Variants in GABRG3 observed in about 807,000 individuals in gnomAD.
GABRG3 encodes gamma-aminobutyric acid type A receptor subunit gamma3.
Under a neutral mutation model 48.8 loss-of-function variants are expected in GABRG3, and 25 were observed. That is an observed-to-expected ratio of 0.51 (90% confidence interval 0.37 to 0.72). GABRG3 has a LOEUF of 0.72. Ranked by LOEUF, GABRG3 falls within the 30% of genes least tolerant of loss-of-function variation. The pLI is 0.00. For missense variants in GABRG3, 394 were observed against 577.9 expected (o/e 0.68, Z 3.26); for synonymous variants, 227 against 217.6 (o/e 1.04, Z -0.38).
intron 5 of GABRG3, among the ~76,000 whole-genome samples, chr15:27,346,349 A>G (rs898070279): frequency 3.9e-5 from 6 of 152,188 alleles, no homozygotes; most frequent in Non-Finnish European, 8.8e-5. Context: ...GCTTTTTCCA[A>G]AATTGACTGT....
chr15:27,190,523 T>G (rs1382450125), intron 3 of GABRG3, among the ~76,000 whole-genome samples: 3 of 152,188 alleles, frequency 2.0e-5, no homozygotes, highest in African/African-American at 7.2e-5. Flanking sequence ...TAGAGGTGTT[T>G]GTAGTATTCT....
At chr15:27,128,862 G>C (rs2140381334) in intron 3 of GABRG3, among the ~76,000 whole-genome samples, 1 of 152,098 alleles carries the variant, frequency 6.6e-6, no homozygotes, top group East Asian at 1.9e-4. Context: ...AGGTCAATTG[G>C]ATATTTTTAA....
chr15:27,308,541 T>A (rs1039555414), intron 3 of GABRG3, among the ~76,000 whole-genome samples: 123 of 148,370 alleles, frequency 8.3e-4, no homozygotes, highest in South Asian at 1.1e-3. Flanking sequence ...TATAAACATA[T>A]ATAATGTAAA....
At position 27,050,735 on chromosome 15, in the gene GABRG3, ATAT is replaced by A. The variant is rs963472779; in HGVS notation, c.270+23920_270+23922del. Among the ~76,000 whole-genome samples, 12 of 152,136 alleles carry A rather than the reference ATAT, an allele frequency of 7.9e-5. No individual in the cohort carries two copies. The South Asian group carries it at 2.1e-3, about 26-fold the overall frequency. On this transcript the variant is annotated intron_variant, in intron 3 of 9. Transcript: ENST00000615808. ...TATAAACTTTTTAAATTTAATTATAATATTATTAACTATTTCTTAAGTTATAGA... is the reference window on the plus strand; with the variant it reads ...TATAAACTTTTTAAATTTAATTATAATATTAACTATTTCTTAAGTTATAGA...
At chr15:27,052,051 T>C (rs1896464072) in intron 3 of GABRG3, among the ~76,000 whole-genome samples, 1 of 152,180 alleles carries the variant, frequency 6.6e-6, no homozygotes, top group Non-Finnish European at 1.5e-5. Context: ...AGATGAAGCT[T>C]CTCTTGCTCG....
intron 3 of GABRG3, among the ~76,000 whole-genome samples, chr15:27,113,213 T>A (rs1363349773): frequency 1.3e-5 from 2 of 152,140 alleles, no homozygotes. Context: ...ATAATGATTA[T>A]CTCTTTAAGA....
chr15:27,356,155 T>A (rs1180795289), intron 5 of GABRG3, among the ~76,000 whole-genome samples: 2 of 152,162 alleles, frequency 1.3e-5, no homozygotes, highest in Non-Finnish European at 2.9e-5. Flanking sequence ...AGTGTATTCA[T>A]CATAATTAAT....
intron 3 of GABRG3, among the ~76,000 whole-genome samples, chr15:27,323,716 G>A (rs1055633549): frequency 1.3e-5 from 2 of 152,138 alleles, no homozygotes; most frequent in African/African-American, 4.8e-5. Context: ...ACCTCACTGA[G>A]GTCTTGGCTT....
intron 6 of GABRG3, among the ~76,000 whole-genome samples, chr15:27,487,452 G>A (rs933991184): frequency 1.3e-5 from 2 of 152,178 alleles, no homozygotes; most frequent in African/African-American, 4.8e-5. Context: ...GTCTCAGCAA[G>A]ATCTCAGGCA....
At chr15:27,037,951 C>G (rs1896207284) in intron 3 of GABRG3, among the ~76,000 whole-genome samples, 1 of 152,226 alleles carries the variant, frequency 6.6e-6, no homozygotes, top group East Asian at 1.9e-4. Flanking sequence ...CACCCTTGCC[C>G]TCACCCCGTC....
chr15:27,158,969 A>G (rs928680166), intron 3 of GABRG3, among the ~76,000 whole-genome samples: 1 of 152,170 alleles, frequency 6.6e-6, no homozygotes. Flanking sequence ...AAAGTGCTGT[A>G]CTTCATCAGC....
At chr15:27,210,054 G>C (rs1460084240) in intron 3 of GABRG3, among the ~76,000 whole-genome samples, 2 of 152,112 alleles carry the variant, frequency 1.3e-5, no homozygotes, top group African/African-American at 2.4e-5. Context: ...GTCACTTTGG[G>C]GGTTAGGATT....
At chr15:27,219,332 G>A (rs1224046959) in intron 3 of GABRG3, among the ~76,000 whole-genome samples, 1 of 152,202 alleles carries the variant, frequency 6.6e-6, no homozygotes, top group Non-Finnish European at 1.5e-5. Context: ...CTCCAAGGTA[G>A]GCAGAGTCCA....
At chr15:27,091,772 C>G (rs573661263) in intron 3 of GABRG3, among the ~76,000 whole-genome samples, 2 of 152,300 alleles carry the variant, frequency 1.3e-5, no homozygotes, top group African/African-American at 4.8e-5. Context: ...TCTGCTCTTT[C>G]CAGAAATGTC....
intron 5 of GABRG3, among the ~76,000 whole-genome samples, chr15:27,427,389 C>G (rs554653611): frequency 6.6e-6 from 1 of 152,268 alleles, no homozygotes; most frequent in East Asian, 1.9e-4. Context: ...ATTAGAAAGT[C>G]TGTGTTCAGG....
In GABRG3 at chr15:27,534,692, A is replaced by G. The variant is rs1428036578; in HGVS notation, c.*1811A>G. ...ACAATGTCCTGGATGTATACCAGAC[A>G]CAGAAGAGGATGGGAGCAGAAGAGG... On this transcript the variant is annotated 3_prime_UTR_variant, in exon 10 of 10. Transcript: ENST00000615808. 1.3e-5 allele frequency: 2 copies of G among 152,246 alleles called. No homozygotes were observed. The highest frequency in any genetic ancestry group is 1.3e-4 in the Admixed American group (2 of 15,284). 9.4% of individuals were successfully genotyped at this position (152,246 alleles called of 1,614,324 possible).
intron 2 of GABRG3, among the ~76,000 whole-genome samples, chr15:26,992,405 TCTA>T (rs538538879): frequency 7.2e-4 from 110 of 152,308 alleles, no homozygotes; most frequent in African/African-American, 2.5e-3. Flanking sequence ...ATATGTTCCT[TCTA>T]CACCCAGTTT....
rs1045064211 is a variant in GABRG3 at position 27,475,500 on chromosome 15, G to A, written c.575-5150G>A. 1.5e-4 allele frequency among the ~76,000 whole-genome samples: 23 copies of A among 152,070 alleles called. 1 individual carries two copies. The highest frequency in any genetic ancestry group is 6.6e-5 in the Admixed American group (1 of 15,260). ...TGATGATAGTAGTGGTGATGGTGAC[G>A]ATGATATTGTTGATGATGATGGTCA... is the stretch of plus-strand genomic sequence containing the variant. On this transcript the variant is annotated intron_variant, in intron 5 of 9. Transcript: ENST00000615808.
chr15:27,228,821 G>T (rs1194338199), intron 3 of GABRG3, among the ~76,000 whole-genome samples: 2 of 152,176 alleles, frequency 1.3e-5, no homozygotes, highest in African/African-American at 4.8e-5. Context: ...AATCAGTGAT[G>T]ATGAGCTTTT....
Sources: gnomAD v4.1 joint callset for allele counts (sites outside exome capture counted in the v4.1 genomes callset) on GRCh38, gnomAD v4.1.1 for gene constraint, MANE v1.5 for transcripts, NCBI Gene and HGNC (gene_info 2026-07-23, HGNC 2026-07-21) for gene names.